KIF21A: variants seen among roughly 807,000 people sequenced by gnomAD.
KIF21A encodes kinesin-like protein KIF21A.
A neutral mutation model predicts 202.9 loss-of-function variants in KIF21A; 114 were observed. That is an observed-to-expected ratio of 0.56 (90% confidence interval 0.48 to 0.66). KIF21A has a LOEUF of 0.66. Ranked by LOEUF, KIF21A falls within the 30% of genes least tolerant of loss-of-function variation. The pLI is 0.00. For synonymous variants in KIF21A, 667 were observed against 670.8 expected (o/e 0.99, Z 0.09); for missense variants, 1,677 against 1,994.9 (o/e 0.84, Z 3.04).
intron 24 of KIF21A, among the ~76,000 whole-genome samples, chr12:39,327,695 A>C (rs983771025): frequency 7.9e-5 from 12 of 152,282 alleles, no homozygotes; most frequent in Non-Finnish European, 1.6e-4. Context: ...AGCCCAGAGG[A>C]TCTCACTCAG....
At chr12:39,326,970 G>C (rs1257294827) in intron 24 of KIF21A, among the ~76,000 whole-genome samples, 1 of 152,094 alleles carries the variant, frequency 6.6e-6, no homozygotes, top group Non-Finnish European at 1.5e-5. Flanking sequence ...AACAACTGTA[G>C]TAGACTAGTG....
intron 1 of KIF21A, among the ~76,000 whole-genome samples, chr12:39,406,228 GATACATTATGT>G (rs1246113317): frequency 6.6e-6 from 1 of 151,646 alleles, no homozygotes; most frequent in Non-Finnish European, 1.5e-5. Context: ...CAACATATTT[GATACATTATGT>G]AAAAGTGAAA....
rs1424497663 is a variant in KIF21A, at chr12:39,436,422, T to TTTTATATATATATA, written c.44+6504_44+6505insTATATATATATAAA. ...TCAATAATTATAAGGGTTTACTATA[T>TTTTATATATATATA]TATATATATATATATATATATATAT... On this transcript the variant is annotated intron_variant, in intron 1 of 37. Transcript: ENST00000361418. Among the ~76,000 whole-genome samples, 337 of 99,058 alleles carry TTTTATATATATATA rather than the reference T, an allele frequency of 3.4e-3. 9 individuals carry two copies. Among genetic ancestry groups the TTTTATATATATATA allele is most frequent in the African/African-American group, 0.011 (252 of 22,012 alleles). 65.0% of individuals were successfully genotyped at this position (99,058 alleles called of 152,430 possible). A position where few individuals can be genotyped will look rare whatever the true frequency, so the allele number is the denominator to read the frequency against.
chr12:39,336,953 GAC>G, intron 17 of KIF21A, 141 bp downstream of exon 17: 1 of 646,444 alleles, frequency 1.5e-6, no homozygotes, highest in Admixed American at 2.4e-5. Context: ...TGTAATAAAT[GAC>G]ATTTTATAAA....
chr12:39,430,420 G>A (rs1937705359), intron 1 of KIF21A, among the ~76,000 whole-genome samples: 1 of 151,726 alleles, frequency 6.6e-6, no homozygotes. Flanking sequence ...ATAAAAATTA[G>A]CCGGGCTTGG....
intron 1 of KIF21A, among the ~76,000 whole-genome samples, chr12:39,398,103 T>C (rs567380947): frequency 6.6e-6 from 1 of 152,324 alleles, no homozygotes; most frequent in South Asian, 2.1e-4. Context: ...AATTGACACA[T>C]TCTTATTATC....
intron 1 of KIF21A, among the ~76,000 whole-genome samples, chr12:39,439,952 C>A (rs1001408118): frequency 4.7e-5 from 7 of 147,830 alleles, no homozygotes; most frequent in Admixed American, 4.6e-4. Context: ...CTCTAGGATG[C>A]ATTTCCACAA....
At chr12:39,401,105 G>C (rs1453080150) in intron 1 of KIF21A, among the ~76,000 whole-genome samples, 1 of 152,106 alleles carries the variant, frequency 6.6e-6, no homozygotes, top group Non-Finnish European at 1.5e-5. Flanking sequence ...CCCTCACAGA[G>C]TCTGCATTTC....
rs111409014 is a variant in KIF21A at position 39,294,353 on chromosome 12, G to C, written c.*71C>G. On this transcript the variant is annotated 3_prime_UTR_variant, in exon 38 of 38. Transcript: ENST00000361418. ...TCATACGTTTTGCCTAGTAAGTACA[G>C]GACAACATTTTCCATAAAGAATACA... 3.7e-4 allele frequency: 433 copies of C among 1,182,462 alleles called. No homozygotes were observed. In the African/African-American group the frequency reaches 5.6e-3, roughly 15 times the overall value. The allele number at this position is 1,182,462 out of a possible 1,614,324, so 73.2% of individuals were successfully genotyped here. A position where few individuals can be genotyped will look rare whatever the true frequency, so the allele number is the denominator to read the frequency against.
At chr12:39,425,651 G>T (rs1445772065) in intron 1 of KIF21A, among the ~76,000 whole-genome samples, 1 of 151,974 alleles carries the variant, frequency 6.6e-6, no homozygotes, top group Non-Finnish European at 1.5e-5. Flanking sequence ...TACATGGAGG[G>T]GTTATAAGTG....
chr12:39,443,062 G>T lies in KIF21A; in HGVS notation c.-92C>A. The T allele has an allele frequency of 7.7e-7, 1 of 1,294,240 alleles. No individual in the cohort carries two copies. The highest frequency in any genetic ancestry group is 1.7e-5 in the South Asian group (1 of 60,096). The allele number at this position is 1,294,240 out of a possible 1,614,324, so 80.2% of individuals were successfully genotyped here. On this transcript the variant is annotated 5_prime_UTR_variant, in exon 1 of 38. Coordinates refer to ENST00000361418, the MANE Select transcript of KIF21A (RefSeq NM_001173464.2). ...GCGGGACTCGGGCGCAGTAGGCTGG[G>T]GCGTCTGCGGGCGGGCGGCCGGCTC...
chr12:39,361,166 T>G (rs544926100), intron 7 of KIF21A, among the ~76,000 whole-genome samples: 1 of 152,302 alleles, frequency 6.6e-6, no homozygotes, highest in South Asian at 2.1e-4. Context: ...AAGCAAACTT[T>G]CAAAAGTATT....
At chr12:39,361,351 A>T (rs1949194041) in intron 7 of KIF21A, among the ~76,000 whole-genome samples, 1 of 152,146 alleles carries the variant, frequency 6.6e-6, no homozygotes, top group Admixed American at 6.5e-5. Context: ...CTTGATACTG[A>T]AGATCAAACT....
Position 39,376,470 on chromosome 12 carries a change from G to T in KIF21A, c.45-6209C>A, listed in dbSNP as rs1257069773. Among the ~76,000 whole-genome samples, 3 of 152,174 alleles carry T rather than the reference G, an allele frequency of 2.0e-5. No homozygotes were observed. In the East Asian group the frequency reaches 5.8e-4, roughly 29 times the overall value. Reference sequence around the variant, plus strand: ...CAGAAAGGAATAGAACTAAGGTCCTGAGTAAAAAGTCTGTTTAAAGCTGGG... The same window carrying T: ...CAGAAAGGAATAGAACTAAGGTCCTTAGTAAAAAGTCTGTTTAAAGCTGGG... On this transcript the variant is annotated intron_variant, in intron 1 of 37. Coordinates refer to ENST00000361418, the MANE Select transcript of KIF21A (RefSeq NM_001173464.2).
chr12:39,347,518 G>T (rs1592264881), intron 11 of KIF21A, among the ~76,000 whole-genome samples: 2 of 151,928 alleles, frequency 1.3e-5, no homozygotes, highest in South Asian at 4.1e-4. Flanking sequence ...AAAATGAAGA[G>T]ATTGAATCAG....
chr12:39,313,386 G>A (rs1944220737), intron 31 of KIF21A, among the ~76,000 whole-genome samples: 1 of 151,796 alleles, frequency 6.6e-6, no homozygotes, highest in Non-Finnish European at 1.5e-5. Context: ...TCAATTTCAT[G>A]GGGAAAGTTT....
At chr12:39,388,602 C>A (rs985442983) in intron 1 of KIF21A, among the ~76,000 whole-genome samples, 6 of 152,214 alleles carry the variant, frequency 3.9e-5, no homozygotes, top group South Asian at 2.1e-4. Context: ...CCCTACTAGC[C>A]CTGGACTGCA....
At chr12:39,335,384 C>T (rs1201607782) in intron 17 of KIF21A, among the ~76,000 whole-genome samples, 1 of 141,942 alleles carries the variant, frequency 7.0e-6, no homozygotes. Flanking sequence ...GCACTCCAGC[C>T]TGGGCGACAA....
At position 39,332,209 on chromosome 12, in the gene KIF21A, C is replaced by T; in HGVS notation, c.3051+5G>A. ...AACCATTACGCTTTTTTAAAAATTA[C>T]AAACCTTTGCTTCTTCCATCTGCAT... On this transcript the variant is annotated splice_donor_5th_base_variant and intron_variant, in intron 21 of 37. Coordinates refer to ENST00000361418, the MANE Select transcript of KIF21A (RefSeq NM_001173464.2). 6.2e-7 allele frequency: 1 copy of T among 1,612,746 alleles called. No homozygotes were observed.
Sources: gnomAD v4.1 joint callset for allele counts (sites outside exome capture counted in the v4.1 genomes callset) on GRCh38, gnomAD v4.1.1 for gene constraint, MANE v1.5 for transcripts, NCBI Gene and HGNC (gene_info 2026-07-23, HGNC 2026-07-21) for gene names.